Variants in CSMD3 observed in about 807,000 individuals in gnomAD.
CSMD3 encodes the protein CUB and sushi domain-containing protein 3.
In CSMD3, 177 loss-of-function variants were observed where a neutral mutation model predicts 435.2. The observed-to-expected ratio is 0.41, with a 90% confidence interval of 0.36 to 0.46. CSMD3 has a LOEUF of 0.46. Among genes scored for constraint, CSMD3 ranks in the 20% least tolerant of loss-of-function variants. CSMD3 has a pLI of 0.34. For synonymous variants in CSMD3, 1,656 were observed against 1,520.5 expected (o/e 1.09, Z -2.07); for missense variants, 4,265 against 4,504.6 (o/e 0.95, Z 1.52).
At chr8:112,982,991 C>A (rs2085110235) in intron 6 of CSMD3, among the ~76,000 whole-genome samples, 1 of 151,928 alleles carries the variant, frequency 6.6e-6, no homozygotes, top group Admixed American at 6.6e-5. Flanking sequence ...AAACATCCGA[C>A]ACACAGAAAT....
At position 113,333,236 on chromosome 8, in the gene CSMD3, T is replaced by C. The variant is rs73701371; in HGVS notation, c.179-18443A>G. ...TATCTGATACTCAATAGCTGTTCTT[T>C]TCATATTCTTCATAGGGTGTATGAC... On this transcript the variant is annotated intron_variant, in intron 1 of 70. Transcript: ENST00000297405. Among the ~76,000 whole-genome samples the C allele has an allele frequency of 7.7e-3, 1,166 of 151,878 alleles. 19 individuals are homozygous for C. The highest frequency in any genetic ancestry group is 0.027 in the African/African-American group (1,116 of 41,550).
At chr8:113,142,625 G>A (rs1479084096) in intron 4 of CSMD3, among the ~76,000 whole-genome samples, 3 of 151,178 alleles carry the variant, frequency 2.0e-5, no homozygotes, top group Non-Finnish European at 4.4e-5. Flanking sequence ...TGGGGAAGTA[G>A]AGATGGTTAA....
chr8:113,070,536 A>G (rs2089064600), intron 5 of CSMD3, among the ~76,000 whole-genome samples: 1 of 151,968 alleles, frequency 6.6e-6, no homozygotes. Flanking sequence ...TACCATGCTG[A>G]ACATTAGATT....
chr8:113,342,542 T>C (rs1052547872), intron 1 of CSMD3, among the ~76,000 whole-genome samples: 1 of 152,162 alleles, frequency 6.6e-6, no homozygotes, highest in Admixed American at 6.6e-5. Context: ...TTTAGTTAAA[T>C]CTGAGACACT....
At chr8:112,928,943 G>A (rs1350435932) in intron 9 of CSMD3, among the ~76,000 whole-genome samples, 14 of 127,812 alleles carry the variant, frequency 1.1e-4, no homozygotes, top group African/African-American at 3.8e-4. Flanking sequence ...ATCCTCTCCA[G>A]CACCTGTTGT....
At chr8:113,425,788 A>G (rs1192819082) in intron 1 of CSMD3, among the ~76,000 whole-genome samples, 1 of 151,578 alleles carries the variant, frequency 6.6e-6, no homozygotes, top group Non-Finnish European at 1.5e-5. Context: ...GGTAATTATG[A>G]GCCTGTCAGC....
At chr8:112,404,791 A>G (rs1831627465) in intron 35 of CSMD3, among the ~76,000 whole-genome samples, 1 of 152,128 alleles carries the variant, frequency 6.6e-6, no homozygotes, top group Non-Finnish European at 1.5e-5. Flanking sequence ...GTCAATATAC[A>G]CACTCATTCC....
At chr8:112,745,997 C>T (rs2077417475) in intron 13 of CSMD3, among the ~76,000 whole-genome samples, 1 of 152,038 alleles carries the variant, frequency 6.6e-6, no homozygotes, top group African/African-American at 2.4e-5. Flanking sequence ...TATGATCAAA[C>T]GGCAGTTGAC....
intron 53 of CSMD3, among the ~76,000 whole-genome samples, chr8:112,298,531 A>C (rs760470720): frequency 2.6e-5 from 4 of 152,142 alleles, no homozygotes; most frequent in Non-Finnish European, 5.9e-5. Context: ...AGATGTTATT[A>C]AAAAATGAGT....
chr8:112,764,837 T>C (rs1358257898), intron 13 of CSMD3, among the ~76,000 whole-genome samples: 1 of 151,764 alleles, frequency 6.6e-6, no homozygotes, highest in African/African-American at 2.4e-5. Context: ...TAATTTTGTT[T>C]AGAGTAATCA....
intron 22 of CSMD3, among the ~76,000 whole-genome samples, chr8:112,603,214 T>C (rs1262919915): frequency 6.6e-6 from 1 of 152,244 alleles, no homozygotes; most frequent in African/African-American, 2.4e-5. Context: ...GTGACATTTT[T>C]CTGCTTCTTG....
chr8:112,882,585 G>T (rs1231088841), intron 10 of CSMD3, among the ~76,000 whole-genome samples: 1 of 151,820 alleles, frequency 6.6e-6, no homozygotes, highest in Admixed American at 6.6e-5. Context: ...ATCCCCTTTG[G>T]AAAGCGTGTG....
chr8:113,012,501 A>G (rs966043390), intron 6 of CSMD3, among the ~76,000 whole-genome samples: 1 of 151,954 alleles, frequency 6.6e-6, no homozygotes, highest in Admixed American at 6.6e-5. Context: ...GAGGGAAGTG[A>G]TTGGATTATG....
chr8:112,594,790 C>G (rs1187420984), intron 22 of CSMD3, among the ~76,000 whole-genome samples: 1 of 152,158 alleles, frequency 6.6e-6, no homozygotes, highest in Non-Finnish European at 1.5e-5. Flanking sequence ...TCCAACAGAC[C>G]TGCAGCTGAG....
At chr8:113,296,396 G>T (rs1011392852) in intron 2 of CSMD3, among the ~76,000 whole-genome samples, 1 of 151,852 alleles carries the variant, frequency 6.6e-6, no homozygotes, top group Non-Finnish European at 1.5e-5. Flanking sequence ...GCACATGCCT[G>T]TAGTCCCAGC....
intron 1 of CSMD3, among the ~76,000 whole-genome samples, chr8:113,425,108 A>G (rs1408923853): frequency 1.3e-5 from 2 of 151,474 alleles, no homozygotes; most frequent in Non-Finnish European, 3.0e-5. Flanking sequence ...TAGCTGAAGG[A>G]ATGTCTCAAA....
chr8:113,003,061 G>C (rs920387223), intron 6 of CSMD3, among the ~76,000 whole-genome samples: 1 of 151,968 alleles, frequency 6.6e-6, no homozygotes, highest in African/African-American at 2.4e-5. Context: ...TCAATATGGT[G>C]AAACCCCAAC....
rs11374817 is a variant in CSMD3 at position 112,421,175 on chromosome 8, AT to A, written c.5396-12144del. 4.9e-4 allele frequency among the ~76,000 whole-genome samples: 74 copies of A among 149,966 alleles called. 1 individual carries two copies. Among genetic ancestry groups the A allele is most frequent in the Middle Eastern group, 3.4e-3 (1 of 290 alleles). ...TTTATGTTGAGAGTCATGTTTGCAC[AT>A]TTTTTTTTTAACAGAAGGAATTCCA... On this transcript the variant is annotated intron_variant, in intron 32 of 70. Transcript: ENST00000297405.
chr8:113,184,332 T>C (rs936044343), intron 3 of CSMD3, among the ~76,000 whole-genome samples: 33 of 152,032 alleles, frequency 2.2e-4, no homozygotes, highest in African/African-American at 7.7e-4. Context: ...ATGAAACCAA[T>C]AGTCATTGGT....
Sources: gnomAD v4.1 joint callset for allele counts (sites outside exome capture counted in the v4.1 genomes callset) on GRCh38, gnomAD v4.1.1 for gene constraint, MANE v1.5 for transcripts, NCBI Gene and HGNC (gene_info 2026-07-23, HGNC 2026-07-21) for gene names.